Variants in TFPT observed in about 807,000 individuals in gnomAD.
TFPT encodes TCF3 fusion partner.
A neutral mutation model predicts 28.8 loss-of-function variants in TFPT; 27 were observed. The observed-to-expected ratio is 0.94, with a 90% confidence interval of 0.69 to 1.29. The LOEUF (loss-of-function observed/expected upper bound fraction) is 1.29, where lower values mean the gene tolerates loss of function less well. TFPT is among the 50% of genes most tolerant of loss of function. The pLI, the probability that TFPT is intolerant of heterozygous loss-of-function variation, is 0.00. For missense variants in TFPT, 330 were observed against 338.0 expected, an observed-to-expected ratio of 0.98 and a Z score of 0.19; for synonymous variants, 152 against 142.8, an observed-to-expected ratio of 1.06 and a Z score of -0.46.
chr19:54,112,712 C>T (rs779264034), intron 2 of TFPT, among the ~76,000 whole-genome samples: 4 of 152,168 alleles, frequency 2.6e-5, no homozygotes, highest in Middle Eastern at 3.4e-3. Context: ...CTGCTTGAAC[C>T]TGGGAGACTG....
Position 54,108,712 on chromosome 19 carries a change from A to C in TFPT, c.354-317T>G, listed in dbSNP as rs587774848. 3.0e-6 allele frequency: 3 copies of C among 988,300 alleles called. No homozygotes were observed. The African/African-American group carries it at 4.9e-5, about 16-fold the overall frequency. The allele number at this position is 988,300 out of a possible 1,614,324, so 61.2% of individuals were successfully genotyped here. On this transcript the variant is annotated intron_variant, in intron 3 of 5. Transcript: ENST00000391759. The stretch of plus-strand genomic sequence containing the variant: ...TGTACTTAATGTGATGTCAGCACTT[A>C]GTAAACATTCATATGTGAGTTATAA...
intron 1 of TFPT, 146 bp downstream of exon 1, chr19:54,115,101 C>T (rs2073584653): frequency 8.0e-7 from 1 of 1,253,192 alleles, no homozygotes; most frequent in African/African-American, 1.5e-5. Flanking sequence ...AGGATGACCC[C>T]AGTCCATAAA....
chr19:54,109,785 G>T (rs587696759), intron 3 of TFPT, among the ~76,000 whole-genome samples: 2 of 152,180 alleles, frequency 1.3e-5, no homozygotes, highest in Admixed American at 6.5e-5. Flanking sequence ...CTCCCTTCAG[G>T]GGGAGGATGC....
chr19:54,109,868 G>GTCCCAGCGCACAGCCCCTTCCA (rs2073398845), intron 3 of TFPT, among the ~76,000 whole-genome samples, 183 bp downstream of exon 3: 3 of 152,268 alleles, frequency 2.0e-5, no homozygotes, highest in African/African-American at 2.4e-5. Context: ...CCAGTGCTCA[G>GTCCCAGCGCACAGCCCCTTCCA]CCCTCTCCTC....
chr19:54,114,595 C>T lies in TFPT; in HGVS notation c.129G>A (p.Thr43=). The stretch of plus-strand genomic sequence containing the variant: ...GACCACCTGACACAAACTCCACTTC[C>T]GTCTCCAGCTCGCTCTCCAGGATGT... ...GGHILESELE[T]EVEFVSGGLG... Residue 43 remains threonine (T), a synonymous_variant, in exon 2 of 6, where the codon ACG becomes ACA. Transcript: ENST00000391759. 2 of 1,614,116 alleles carry T rather than the reference C, an allele frequency of 1.2e-6. No homozygotes were observed. Among genetic ancestry groups the T allele is most frequent in the Non-Finnish European group, 1.7e-6 (2 of 1,180,034 alleles).
Position 54,115,396 on chromosome 19 carries a change from C to A in TFPT, c.-127G>T. ...GAGGACGGCGGGACGTGGCCCTAGG[C>A]CTTGTGGGAGTTGTAGTTTCCTGTT... On this transcript the variant is annotated 5_prime_UTR_variant, in exon 1 of 6. Transcript: ENST00000391759. 7.3e-7 allele frequency: 1 copy of A among 1,369,766 alleles called. No homozygotes were observed. The highest frequency in any genetic ancestry group is 1.8e-4 in the Middle Eastern group (1 of 5,518). The allele number at this position is 1,369,766 out of a possible 1,614,324, so 84.9% of individuals were successfully genotyped here.
At chr19:54,111,399 CG>C (rs1458301550) in intron 2 of TFPT, among the ~76,000 whole-genome samples, 4 of 150,670 alleles carry the variant, frequency 2.7e-5, no homozygotes, top group Non-Finnish European at 5.9e-5. Flanking sequence ...AAAAATTGGC[CG>C]GATGTTGTGG....
rs1256804277 is a variant in TFPT, at chr19:54,108,283, C to T, written c.424-39G>A. On this transcript the variant is annotated intron_variant, in intron 4 of 5. Coordinates refer to ENST00000391759, the MANE Select transcript of TFPT (RefSeq NM_013342.4). ...GGGGGAGGTAGGTGATGGGTGGGTC[C>T]TGAGCTCCCAGTTCCTGACCCTCCT... is the stretch of plus-strand genomic sequence containing the variant. 4 of 1,576,572 alleles carry T rather than the reference C, an allele frequency of 2.5e-6. No homozygotes were observed. In the South Asian group the frequency reaches 3.4e-5, roughly 14 times the overall value.
intron 3 of TFPT, chr19:54,108,737 A>C: frequency 1.2e-6 from 1 of 841,038 alleles, no homozygotes; most frequent in Non-Finnish European, 1.8e-6. Context: ...GTGAGTTATA[A>C]TTTTTATTGA....
At chr19:54,114,329 G>A in intron 2 of TFPT, 113 bp downstream of exon 2, 1 of 1,468,864 alleles carries the variant, frequency 6.8e-7, no homozygotes, top group South Asian at 1.3e-5. Flanking sequence ...TAAGCTAAAT[G>A]ACTGAATATA....
intron 1 of TFPT, 114 bp from the exon 2 acceptor site, chr19:54,114,814 C>T: frequency 7.2e-7 from 1 of 1,397,278 alleles, no homozygotes; most frequent in East Asian, 2.3e-5. Flanking sequence ...AGAATCCAGG[C>T]CCCCAGCCCC....
intron 2 of TFPT, 87 bp downstream of exon 2, chr19:54,114,355 A>G: frequency 6.6e-7 from 1 of 1,522,638 alleles, no homozygotes; most frequent in Non-Finnish European, 8.8e-7. Flanking sequence ...AAGCCAAGAA[A>G]GGCTGGGCAT....
Position 54,110,051 on chromosome 19 carries a change from C to T in TFPT, c.353G>A (p.Arg118Lys), listed in dbSNP as rs751442251. 6.2e-7 allele frequency: 1 copy of T among 1,613,976 alleles called. No homozygotes were observed. Among genetic ancestry groups the T allele is most frequent in the South Asian group, 1.1e-5 (1 of 91,088 alleles). Reference sequence around the variant, plus strand: ...CCAGAGGGGACAGAGAAGGGGTTACCTCCGTTCCTGCTGCAGCCTCCGAGT... The same window carrying T: ...CCAGAGGGGACAGAGAAGGGGTTACTTCCGTTCCTGCTGCAGCCTCCGAGT... ...RITRRLQQER[R>K]FLMRVLDSYG... is the part of the protein sequence containing the mutation. Residue 118 changes from arginine (R) to lysine (K), a missense_variant and splice_region_variant, in exon 3 of 6, where the codon AGG (arginine) becomes AAG (lysine). Transcript: ENST00000391759.
chr19:54,110,359 C>T (rs1259738451), intron 2 of TFPT, among the ~76,000 whole-genome samples: 2 of 152,106 alleles, frequency 1.3e-5, no homozygotes, highest in African/African-American at 2.4e-5. Context: ...CCCAGTCATC[C>T]GCACAACTTA....
intron 1 of TFPT, 37 bp downstream of exon 1, chr19:54,115,210 G>A: frequency 6.2e-7 from 1 of 1,614,056 alleles, no homozygotes; most frequent in South Asian, 1.1e-5. Context: ...ACTGTTTTCT[G>A]GGATTCGCAC....
chr19:54,108,548 C>T (rs1259999680), intron 3 of TFPT, 153 bp from the exon 4 acceptor site: 4 of 1,609,580 alleles, frequency 2.5e-6, no homozygotes, highest in Non-Finnish European at 3.4e-6. Flanking sequence ...GCCTGGGAGC[C>T]ATGCCCTTGA....
At chr19:54,112,711 C>T (rs1447487274) in intron 2 of TFPT, among the ~76,000 whole-genome samples, 1 of 151,828 alleles carries the variant, frequency 6.6e-6, no homozygotes, top group Non-Finnish European at 1.5e-5. Context: ...ACTGCTTGAA[C>T]CTGGGAGACT....
At chr19:54,114,792 C>T (rs1405490409) in intron 1 of TFPT, 92 bp from the exon 2 acceptor site, 3 of 1,497,052 alleles carry the variant, frequency 2.0e-6, no homozygotes, top group Non-Finnish European at 1.8e-6. Flanking sequence ...AACCCCTCCT[C>T]CCTGAGATCC....
rs767047454 is a variant in TFPT, at chr19:54,114,685, C to G, written c.39G>C (p.Val13=). ...LEQREGTMAA[V]GFEEFSAPPG... ...GCGGCGCTGAGAACTCCTCAAAGCC[C>G]ACGGCTGCCATGGTCCTGAGAGGCA... Residue 13 remains valine, a synonymous_variant, in exon 2 of 6, where the codon GTG becomes GTC. Transcript: ENST00000391759. 6.2e-7 allele frequency: 1 copy of G among 1,613,294 alleles called. No individual in the cohort carries two copies. Among genetic ancestry groups the G allele is most frequent in the Admixed American group, 1.7e-5 (1 of 59,996 alleles).
Sources: allele counts gnomAD v4.1 joint callset (sites outside exome capture counted in the v4.1 genomes callset), GRCh38; gene constraint gnomAD v4.1.1; transcripts MANE v1.5; gene names NCBI Gene and HGNC (gene_info 2026-07-23, HGNC 2026-07-21).